CACNA1G: variants seen among roughly 807,000 people sequenced by gnomAD.
The protein encoded by CACNA1G is voltage-dependent T-type calcium channel subunit alpha-1G.
A neutral mutation model predicts 219.4 loss-of-function variants in CACNA1G; 67 were observed. The observed-to-expected ratio is 0.31, with a 90% CI of 0.25 to 0.37. The LOEUF is 0.37. CACNA1G is among the 10% of genes least tolerant of loss of function. The pLI is 1.00. For missense variants in CACNA1G, 2,380 were observed against 3,231.4 expected (o/e 0.74, Z 6.39); for synonymous variants, 1,296 against 1,345.3 (o/e 0.96, Z 0.80).
At chr17:50,587,381 C>T (rs1452096630) in intron 9 of CACNA1G, among the ~76,000 whole-genome samples, 1 of 152,194 alleles carries the variant, frequency 6.6e-6, no homozygotes, top group Admixed American at 6.5e-5. Context: ...CCTAGTTGGC[C>T]TGTGGTGGGC....
In CACNA1G at chr17:50,596,643, G is replaced by A. The variant is rs1230948316; in HGVS notation, c.3061G>A (p.Ala1021Thr). ...TGATGGGGACAGGAAGAAGTGCTTG[G>A]CCTGTGAGTACCTATCCTGGGGTGC... Reference protein sequence around the residue: ...DGDGDRKKCLALVSLGEHPEL... With the variant: ...DGDGDRKKCLTLVSLGEHPEL... The change falls in exon 15 of 38, where the codon GCC becomes ACC. Residue 1021 changes from alanine (A) to threonine (T), a missense_variant. This residue lies in a region of CACNA1G where 418 missense variants were observed against 434.3 expected (regional missense o/e 0.96). Transcript: ENST00000359106. This position sits in a 1 kb window ranked among gnomAD's most constrained non-coding sequence, Gnocchi z 4.8. The A allele has an allele frequency of 7.4e-6, 12 of 1,613,800 alleles. No homozygotes were observed. The East Asian group carries it at 2.0e-4, about 27-fold the overall frequency.
chr17:50,625,959 G>T, intron 37 of CACNA1G, 58 bp from the exon 38 acceptor site: 1 of 1,535,848 alleles, frequency 6.5e-7, no homozygotes, highest in Non-Finnish European at 8.8e-7. Context: ...CTTGACAGGA[G>T]GGCTAGTCCA....
chr17:50,572,593 G>A lies in CACNA1G; in HGVS notation c.786G>A (p.Glu262=), dbSNP rs1213870816. The change falls in exon 6 of 38, where the codon GAG becomes GAA. Residue 262 remains glutamate, a synonymous_variant. Transcript: ENST00000359106. The part of the protein sequence containing the change: ...SVDLERYYQT[E]NEDESPFICS... ...ACCTGGAGCGCTATTACCAGACAGA[G>A]AACGAGGATGAGAGCCCCTTCATCT... The A allele has an allele frequency of 6.3e-7, 1 of 1,583,326 alleles. No homozygotes were observed. Among genetic ancestry groups the A allele is most frequent in the South Asian group, 1.2e-5 (1 of 86,212 alleles).
intron 9 of CACNA1G, among the ~76,000 whole-genome samples, chr17:50,583,235 C>T (rs572475370): frequency 1.5e-4 from 23 of 152,238 alleles, no homozygotes; most frequent in African/African-American, 5.5e-4. Context: ...CCAAGCAGAG[C>T]TTTGGGGGAT....
At chr17:50,587,685 C>T (rs1482717244) in intron 9 of CACNA1G, among the ~76,000 whole-genome samples, 2 of 152,274 alleles carry the variant, frequency 1.3e-5, no homozygotes, top group Non-Finnish European at 2.9e-5. Context: ...CGCCAGGCCC[C>T]TTTCCACCTG....
chr17:50,591,687 G>T (rs1024705420), intron 11 of CACNA1G, 52 bp from the exon 12 acceptor site: 3 of 1,610,168 alleles, frequency 1.9e-6, no homozygotes, highest in African/African-American at 1.3e-5. Context: ...GGCCTGAGGG[G>T]TGAGGAGCAC....
chr17:50,570,048 AGATGACCC>A (rs2039014949), intron 4 of CACNA1G, among the ~76,000 whole-genome samples: 20 of 152,170 alleles, frequency 1.3e-4, no homozygotes, highest in Admixed American at 1.3e-3. Flanking sequence ...GAAACATCTC[AGATGACCC>A]TCTTCCTTCA....
At chr17:50,610,716 A>T (rs772990778) in intron 26 of CACNA1G, among the ~76,000 whole-genome samples, 1 of 152,136 alleles carries the variant, frequency 6.6e-6, no homozygotes, top group African/African-American at 2.4e-5. Context: ...GCCCCCAGTT[A>T]TCATCTCCTC....
intron 1 of CACNA1G, 80 bp downstream of exon 1, chr17:50,561,781 AC>A: frequency 9.9e-7 from 1 of 1,011,208 alleles, no homozygotes; most frequent in Non-Finnish European, 1.2e-6. Context: ...GGGGAAGAAG[AC>A]CCACCGCCAG....
At chr17:50,604,335 C>A (rs1598530570) in intron 22 of CACNA1G, 54 bp downstream of exon 22, 2 of 1,594,204 alleles carry the variant, frequency 1.3e-6, no homozygotes, top group East Asian at 4.5e-5. Flanking sequence ...AGGGCCCTTC[C>A]CCTTGGCCCC....
chr17:50,576,283 G>C lies in CACNA1G; in HGVS notation c.1881G>C (p.Gly627=). ...PTLTSLNIPP[G]PYSSMHKLLE... is the part of the protein sequence containing the mutation. ...TCACCAGCCTCAACATCCCACCCGGGCCCTACAGCTCCATGCACAAGCTGC... is the reference window on the plus strand; with the variant it reads ...TCACCAGCCTCAACATCCCACCCGGCCCCTACAGCTCCATGCACAAGCTGC... Residue 627 remains glycine, a synonymous_variant, in exon 8 of 38, where the codon GGG becomes GGC. Transcript: ENST00000359106. 1 of 1,583,172 alleles carries C rather than the reference G, an allele frequency of 6.3e-7. No individual in the cohort carries two copies. Among genetic ancestry groups the C allele is most frequent in the South Asian group, 1.2e-5 (1 of 86,662 alleles).
At chr17:50,590,185 G>T (rs970049114) in intron 9 of CACNA1G, among the ~76,000 whole-genome samples, 22 of 152,244 alleles carry the variant, frequency 1.4e-4, no homozygotes, top group Middle Eastern at 3.4e-3. Context: ...GAGATAGGGC[G>T]GAACCCACAC....
At position 50,619,783 on chromosome 17, in the gene CACNA1G, C is replaced by A; in HGVS notation, c.5882C>A (p.Ser1961Tyr). 6.2e-7 allele frequency: 1 copy of A among 1,607,214 alleles called. No homozygotes were observed. The highest frequency in any genetic ancestry group is 8.5e-7 in the Non-Finnish European group (1 of 1,178,366). ...DELAGPGGQP[S>Y]AFPSAPSLGG... ...CTGGCAGGCCCAGGGGGCCAGCCCT[C>A]TGCCTTCCCTTCTGCCCCCAGCCTG... The change falls in exon 34 of 38, where the codon TCT (serine) becomes TAT (tyrosine). Residue 1961 changes from serine (S) to tyrosine (Y), a missense_variant. Coordinates refer to ENST00000359106, the MANE Select transcript of CACNA1G (RefSeq NM_018896.5).
rs756668063 is a variant in CACNA1G at position 50,627,077 on chromosome 17, C to T, written c.*326C>T. 2.2e-5 allele frequency: 11 copies of T among 500,260 alleles called. No individual in the cohort carries two copies. The highest frequency in any genetic ancestry group is 1.7e-4 in the African/African-American group (9 of 51,750). The allele number at this position is 500,260 out of a possible 1,614,324, so 31.0% of individuals were successfully genotyped here. A position where few individuals can be genotyped will look rare whatever the true frequency, so the allele number is the denominator to read the frequency against. On this transcript the variant is annotated 3_prime_UTR_variant, in exon 38 of 38. Coordinates refer to ENST00000359106, the MANE Select transcript of CACNA1G (RefSeq NM_018896.5). ...TTAAATTAATTGAATCTAGTATATG[C>T]GGGATGTACGACATTTTGTGACTGA... is the stretch of plus-strand genomic sequence containing the variant.
intron 26 of CACNA1G, among the ~76,000 whole-genome samples, chr17:50,614,589 G>C (rs775904681): frequency 1.1e-4 from 17 of 152,258 alleles, no homozygotes; most frequent in Non-Finnish European, 1.8e-4. Context: ...AATTACGAGA[G>C]AAATATTATG....
intron 4 of CACNA1G, among the ~76,000 whole-genome samples, chr17:50,570,273 C>T (rs955489499): frequency 3.9e-5 from 6 of 152,170 alleles, no homozygotes; most frequent in African/African-American, 1.4e-4. Flanking sequence ...CGCCTCTGTC[C>T]CCTTCCTCCT....
intron 10 of CACNA1G, 113 bp from the exon 11 acceptor site, chr17:50,591,322 T>G (rs745886710): frequency 3.6e-4 from 394 of 1,088,432 alleles, no homozygotes; most frequent in Non-Finnish European, 4.0e-4. Flanking sequence ...GTGCCCCATT[T>G]TCTCTCGACG....
At chr17:50,620,832 G>A (rs544371279) in intron 34 of CACNA1G, among the ~76,000 whole-genome samples, 3 of 152,320 alleles carry the variant, frequency 2.0e-5, no homozygotes, top group Non-Finnish European at 2.9e-5. Flanking sequence ...GTCCCTTTCC[G>A]AGGCCTCCCC....
rs760365830 is a variant in CACNA1G at position 50,617,501 on chromosome 17, C to T, written c.5085C>T (p.Ile1695=). 1.2e-5 allele frequency: 19 copies of T among 1,613,992 alleles called. No homozygotes were observed. In the East Asian group the frequency reaches 2.9e-4, roughly 25 times the overall value. The change falls in exon 29 of 38, where the codon ATC becomes ATT. Residue 1695 remains isoleucine (I), a synonymous_variant. Transcript: ENST00000359106. This position sits in a 1 kb window ranked among gnomAD's most constrained non-coding sequence, Gnocchi z 5.8. ...TCATGGGCATCACGCTGGAGGAAATCGAGGTCAACGCCTCGCTGCCCATCA... is the reference window on the plus strand; with the variant it reads ...TCATGGGCATCACGCTGGAGGAAATTGAGGTCAACGCCTCGCTGCCCATCA... ...LSIMGITLEE[I]EVNASLPINP...
Sources: allele counts gnomAD v4.1 joint callset (sites outside exome capture counted in the v4.1 genomes callset), GRCh38; gene constraint gnomAD v4.1.1; regional missense constraint gnomAD v4.1.1; non-coding constraint Gnocchi (gnomAD v3.1); transcripts MANE v1.5; gene names NCBI Gene and HGNC (gene_info 2026-07-23, HGNC 2026-07-21).